The following TSHZ3 variants were observed in gnomAD, a reference collection of about 807,000 sequenced individuals.
TSHZ3 encodes teashirt zinc finger homeobox 3, also known as teashirt homolog 3.
TSHZ3 carries 10 observed loss-of-function variants against 64.5 expected under a neutral mutation model. The observed-to-expected ratio is 0.16, with a 90% CI of 0.10 to 0.26. TSHZ3 has a LOEUF of 0.26. TSHZ3 is among the 10% of genes least tolerant of loss of function. The probability of loss-of-function intolerance (pLI) is 1.00; values close to 1 mark genes in which losing one functional copy is unlikely to be tolerated. For synonymous variants in TSHZ3, 608 were observed against 593.1 expected (o/e 1.03, Z -0.36); for missense variants, 1,242 against 1,421.7 (o/e 0.87, Z 2.03).
At chr19:31,232,816 A>C (rs1480414206) in intron 3 of TSHZ3, among the ~76,000 whole-genome samples, 1 of 152,320 alleles carries the variant, frequency 6.6e-6, no homozygotes, top group Admixed American at 6.5e-5. Flanking sequence ...AAATTGAATC[A>C]TACAGAATGC....
At chr19:31,238,654 A>G (rs963326279) in intron 3 of TSHZ3, among the ~76,000 whole-genome samples, 17 of 152,100 alleles carry the variant, frequency 1.1e-4, no homozygotes, top group African/African-American at 4.1e-4. Flanking sequence ...GCCCGTATTT[A>G]TCTCTTACTC....
chr19:31,346,090 A>T, intron 1 of TSHZ3, among the ~76,000 whole-genome samples: 1 of 152,212 alleles, frequency 6.6e-6, no homozygotes. Flanking sequence ...ACATCAAAAA[A>T]TCCTAAAGTA....
At chr19:31,176,573 C>G (rs1198531805) in intron 5 of TSHZ3, among the ~76,000 whole-genome samples, 1 of 152,116 alleles carries the variant, frequency 6.6e-6, no homozygotes, top group Non-Finnish European at 1.5e-5. Flanking sequence ...TGGGGAGGAT[C>G]TTTTGAAGCC....
At chr19:31,260,482 G>C (rs1258425556) in intron 1 of TSHZ3, among the ~76,000 whole-genome samples, 2 of 152,146 alleles carry the variant, frequency 1.3e-5, no homozygotes, top group African/African-American at 4.8e-5. Flanking sequence ...CTGATCTCTG[G>C]GCTCTGTCCT....
intron 1 of TSHZ3, among the ~76,000 whole-genome samples, chr19:31,302,128 G>A (rs1309063812): frequency 6.6e-6 from 1 of 152,288 alleles, no homozygotes; most frequent in East Asian, 1.9e-4. Flanking sequence ...GCAAAAGAGA[G>A]AGCCATGGTG....
chr19:31,340,515 G>C (rs1330611714), intron 1 of TSHZ3, among the ~76,000 whole-genome samples: 1 of 151,778 alleles, frequency 6.6e-6, no homozygotes, highest in Non-Finnish European at 1.5e-5. Context: ...GAGGGAAGGG[G>C]TGGGCGGCGG....
intron 5 of TSHZ3, among the ~76,000 whole-genome samples, chr19:31,204,320 T>C (rs2145152967): frequency 6.6e-6 from 1 of 151,242 alleles, no homozygotes; most frequent in East Asian, 2.0e-4. Flanking sequence ...CCCTCTCTCC[T>C]TTTCTTTCTT....
chr19:31,178,274 G>A (rs919095514), intron 5 of TSHZ3, among the ~76,000 whole-genome samples: 1 of 152,142 alleles, frequency 6.6e-6, no homozygotes, highest in African/African-American at 2.4e-5. Context: ...CTGGCTACTG[G>A]GACTAGCTGG....
chr19:31,246,061 T>C (rs578108428), intron 1 of TSHZ3, among the ~76,000 whole-genome samples: 1 of 152,292 alleles, frequency 6.6e-6, no homozygotes, highest in Non-Finnish European at 1.5e-5. Context: ...TTGTTCAGCA[T>C]CTCGAGTTAA....
chr19:31,262,238 G>A (rs1199465942), intron 1 of TSHZ3, among the ~76,000 whole-genome samples: 1 of 152,206 alleles, frequency 6.6e-6, no homozygotes, highest in Non-Finnish European at 1.5e-5. Flanking sequence ...GCATAGCAGT[G>A]GAAATCTACC....
chr19:31,260,575 T>G (rs1202070279), intron 1 of TSHZ3, among the ~76,000 whole-genome samples: 1 of 152,182 alleles, frequency 6.6e-6, no homozygotes, highest in East Asian at 1.9e-4. Flanking sequence ...ATGTACTCAT[T>G]TCCAGGTAGT....
chr19:31,279,122 T>C lies in TSHZ3; in HGVS notation c.671A>G (p.Asp224Gly). The change falls in exon 2 of 2, where the codon GAC becomes GGC. Residue 224 changes from aspartate to glycine, a missense_variant. Physicochemically the swap from Asp to Gly is moderately conservative, Grantham distance 94. Transcript: ENST00000240587. This position sits in a 1 kb window ranked among gnomAD's most constrained non-coding sequence, Gnocchi z 6.4. ...FRCKDCSAAYDTLVELTVHMN... is the reference protein window; with the variant it reads ...FRCKDCSAAYGTLVELTVHMN... ...GTGCACCGTCAACTCCACCAGGGTG[T>C]CGTAGGCAGCGCTGCAGTCCTTACA... 6.2e-7 allele frequency: 1 copy of C among 1,613,816 alleles called. No individual in the cohort carries two copies. The highest frequency in any genetic ancestry group is 8.5e-7 in the Non-Finnish European group (1 of 1,179,830).
chr19:31,337,764 G>C (rs970245162), intron 1 of TSHZ3, among the ~76,000 whole-genome samples: 5 of 136,150 alleles, frequency 3.7e-5, no homozygotes, highest in African/African-American at 1.6e-4. Context: ...AAGTTGCCTG[G>C]AGTTGATGAG....
intron 3 of TSHZ3, among the ~76,000 whole-genome samples, chr19:31,234,182 T>C (rs979126545): frequency 1.3e-5 from 2 of 152,196 alleles, no homozygotes; most frequent in Non-Finnish European, 2.9e-5. Flanking sequence ...TTCTAAATAC[T>C]TGTTGTTCAT....
At chr19:31,326,143 T>C (rs2058082978) in intron 1 of TSHZ3, among the ~76,000 whole-genome samples, 1 of 152,114 alleles carries the variant, frequency 6.6e-6, no homozygotes, top group Non-Finnish European at 1.5e-5. Flanking sequence ...CAACATGGAG[T>C]GTAAAGTGTG....
chr19:31,162,146 C>T (rs1273228693), intron 5 of TSHZ3, among the ~76,000 whole-genome samples: 1 of 152,084 alleles, frequency 6.6e-6, no homozygotes, highest in East Asian at 1.9e-4. Context: ...ATTTTATTCT[C>T]CAAGGATCTG....
At chr19:31,185,585 A>G (rs919107650) in intron 5 of TSHZ3, among the ~76,000 whole-genome samples, 13 of 152,188 alleles carry the variant, frequency 8.5e-5, no homozygotes, top group Non-Finnish European at 1.3e-4. Context: ...AGGCAAGGCC[A>G]TTGTGTGTCT....
intron 4 of TSHZ3, among the ~76,000 whole-genome samples, chr19:31,226,969 C>CTTT: frequency 1.2e-5 from 1 of 82,606 alleles, no homozygotes; most frequent in Non-Finnish European, 2.2e-5. Flanking sequence ...CTCTTTCTTT[C>CTTT]TTTCTTTCTT....
chr19:31,277,550 C>T lies in TSHZ3; in HGVS notation c.2243G>A (p.Ser748Asn), dbSNP rs988168750. 4 of 1,601,456 alleles carry T rather than the reference C, an allele frequency of 2.5e-6. No homozygotes were observed. The highest frequency in any genetic ancestry group is 3.4e-5 in the Admixed American group (2 of 59,126). Residue 748 changes from serine (S) to asparagine (N), a missense_variant, in exon 2 of 2, where the codon AGC becomes AAC. This residue lies in a region of TSHZ3 where 550 missense variants were observed against 545.1 expected (regional missense o/e 1.01). Coordinates refer to ENST00000240587, the MANE Select transcript of TSHZ3 (RefSeq NM_020856.4). The surrounding 1 kb of genome is among the most constrained non-coding windows in gnomAD (Gnocchi z 4.5). ...GCTGTTGCTCATCTTGAAAAGCATG[C>T]TCATGGGGTCCAGGGCAGGCAGGGA... ...KPSLPALDPM[S>N]MLFKMSNSLA...
Sources: allele counts gnomAD v4.1 joint callset (sites outside exome capture counted in the v4.1 genomes callset), GRCh38; gene constraint gnomAD v4.1.1; regional missense constraint gnomAD v4.1.1; non-coding constraint Gnocchi (gnomAD v3.1); transcripts MANE v1.5; gene names NCBI Gene and HGNC (gene_info 2026-07-23, HGNC 2026-07-21).